SMCO4: variants seen among roughly 807,000 people sequenced by gnomAD.
SMCO4 encodes single-pass membrane protein with coiled-coil domains 4.
Under a neutral mutation model 3.6 loss-of-function variants are expected in SMCO4, and 4 were observed. That is an observed-to-expected ratio of 1.11 (90% CI 0.54 to 2.53). SMCO4 has a LOEUF of 2.53. SMCO4 is among the 30% of genes most tolerant of loss of function. The probability of loss-of-function intolerance (pLI) is 0.02; values close to 1 mark genes in which losing one functional copy is unlikely to be tolerated. For synonymous variants in SMCO4, 36 were observed against 35.3 expected (o/e 1.02, Z -0.07); for missense variants, 70 against 80.8 (o/e 0.87, Z 0.51).
intron 2 of SMCO4, among the ~76,000 whole-genome samples, chr11:93,484,688 CT>C (rs10707335): frequency 0.23 from 32,963 of 143,556 alleles, 3,609 homozygotes; most frequent in East Asian, 0.37. Flanking sequence ...CCAGGGAATT[CT>C]TTTTTTTTTT....
At chr11:93,502,047 T>C (rs903400663) in intron 1 of SMCO4, among the ~76,000 whole-genome samples, 2 of 151,432 alleles carry the variant, frequency 1.3e-5, no homozygotes, top group Non-Finnish European at 2.9e-5. Context: ...AAAGTACAGA[T>C]GCAAACTGTT....
chr11:93,528,638 G>C (rs558782185), intron 1 of SMCO4, among the ~76,000 whole-genome samples: 1 of 56,188 alleles, frequency 1.8e-5, no homozygotes, highest in Non-Finnish European at 3.7e-5. Context: ...CTGTGACCAG[G>C]GAGACAGTGC....
At position 93,509,585 on chromosome 11, in the gene SMCO4, C is replaced by T. The variant is rs61918468; in HGVS notation, c.-153-10237G>A. ...ACCAGCCCAAATGCCCATCAATCAACGAGTGGATAAAGAAACTGTGCTATA... is the reference window on the plus strand; with the variant it reads ...ACCAGCCCAAATGCCCATCAATCAATGAGTGGATAAAGAAACTGTGCTATA... On this transcript the variant is annotated intron_variant, in intron 1 of 2. Coordinates refer to ENST00000298966, the MANE Select transcript of SMCO4 (RefSeq NM_020179.3). Among the ~76,000 whole-genome samples the T allele has an allele frequency of 5.0e-3, 764 of 152,272 alleles. 4 individuals carry two copies. Among genetic ancestry groups the T allele is most frequent in the Middle Eastern group, 0.037 (11 of 294 alleles).
intron 1 of SMCO4, among the ~76,000 whole-genome samples, chr11:93,529,018 G>C (rs901471659): frequency 6.6e-6 from 1 of 152,124 alleles, no homozygotes; most frequent in African/African-American, 2.4e-5. Context: ...AGGGGAACAC[G>C]TGGAGCCCTG....
chr11:93,531,829 C>T (rs543494840), intron 1 of SMCO4, among the ~76,000 whole-genome samples: 6 of 152,262 alleles, frequency 3.9e-5, no homozygotes, highest in Non-Finnish European at 8.8e-5. Context: ...TTTTCAAAGT[C>T]GCCCCTCTGC....
upstream of SMCO4, among the ~76,000 whole-genome samples, chr11:93,547,391 T>C (rs1365620580): frequency 6.6e-6 from 1 of 152,238 alleles, no homozygotes; most frequent in Non-Finnish European, 1.5e-5. Context: ...AACCAGTGAA[T>C]GTCCACTACA....
intron 2 of SMCO4, among the ~76,000 whole-genome samples, 184 bp from the exon 3 acceptor site, chr11:93,479,453 A>G (rs999474214): frequency 3.3e-5 from 5 of 152,218 alleles, no homozygotes; most frequent in African/African-American, 1.2e-4. Flanking sequence ...GCACTGGGTC[A>G]CCGGTGTGCT....
intron 1 of SMCO4, among the ~76,000 whole-genome samples, chr11:93,514,119 T>C (rs183513865): frequency 1.3e-4 from 20 of 152,018 alleles, no homozygotes; most frequent in Admixed American, 3.3e-4. Context: ...TTCCACATGA[T>C]GGAACTCCTG....
chr11:93,546,413 A>G (rs1047190767), upstream of SMCO4, among the ~76,000 whole-genome samples: 14 of 152,320 alleles, frequency 9.2e-5, no homozygotes, highest in African/African-American at 3.4e-4. Context: ...TGGAACATCA[A>G]CAGCAGGTAT....
chr11:93,517,304 T>C (rs1413489562), intron 1 of SMCO4, among the ~76,000 whole-genome samples: 1 of 152,170 alleles, frequency 6.6e-6, no homozygotes, highest in African/African-American at 2.4e-5. Flanking sequence ...GCCTTACGAC[T>C]GCCGTAATCC....
chr11:93,501,382 G>C (rs1591311830), intron 1 of SMCO4, among the ~76,000 whole-genome samples: 1 of 152,316 alleles, frequency 6.6e-6, no homozygotes, highest in East Asian at 1.9e-4. Context: ...TAATTCTGAA[G>C]GTCAGAAGTC....
chr11:93,493,708 G>A (rs1230726031), intron 2 of SMCO4, among the ~76,000 whole-genome samples: 3 of 152,174 alleles, frequency 2.0e-5, no homozygotes, highest in African/African-American at 7.2e-5. Flanking sequence ...ACATCTCTGT[G>A]CTGAGCCCAA....
intron 2 of SMCO4, among the ~76,000 whole-genome samples, chr11:93,489,191 G>A (rs1160643806): frequency 6.6e-6 from 1 of 152,162 alleles, no homozygotes; most frequent in Non-Finnish European, 1.5e-5. Context: ...GCAACCTCAG[G>A]CAGGTTACTT....
At position 93,540,745 on chromosome 11, in the gene SMCO4, C is replaced by A. The variant is rs563446468; in HGVS notation, c.-154+2531G>T. Among the ~76,000 whole-genome samples, 11 of 152,038 alleles carry A rather than the reference C, an allele frequency of 7.2e-5. No individual in the cohort carries two copies. The East Asian group carries it at 1.3e-3, about 19-fold the overall frequency. ...TCAATGGCAGGGGCTCAAATGGTGA[C>A]GATTATGATTTTTATCAATACTTCT... On this transcript the variant is annotated intron_variant, in intron 1 of 2. Coordinates refer to ENST00000298966, the MANE Select transcript of SMCO4 (RefSeq NM_020179.3).
At chr11:93,487,223 C>A (rs1378114504) in intron 2 of SMCO4, among the ~76,000 whole-genome samples, 1 of 152,112 alleles carries the variant, frequency 6.6e-6, no homozygotes, top group South Asian at 2.1e-4. Flanking sequence ...CTCCAGTCTG[C>A]GGCAGAGTGG....
chr11:93,546,139 C>CA (rs1362940856), upstream of SMCO4, among the ~76,000 whole-genome samples: 1 of 152,264 alleles, frequency 6.6e-6, no homozygotes, highest in Non-Finnish European at 1.5e-5. Flanking sequence ...CACTCACAGG[C>CA]ACTCCTGCAG....
intron 1 of SMCO4, chr11:93,535,566 T>G (rs1003197223): frequency 6.7e-7 from 1 of 1,494,304 alleles, no homozygotes; most frequent in Non-Finnish European, 9.3e-7. Context: ...TGAAGAAGTA[T>G]GACAGTCGAA....
At chr11:93,507,045 C>T (rs1412648440) in intron 1 of SMCO4, among the ~76,000 whole-genome samples, 1 of 152,112 alleles carries the variant, frequency 6.6e-6, no homozygotes, top group Non-Finnish European at 1.5e-5. Flanking sequence ...TACAGTGAGC[C>T]TGTTATTTCA....
At chr11:93,535,620 T>G (rs555653492) in intron 1 of SMCO4, 7 of 1,576,978 alleles carry the variant, frequency 4.4e-6, no homozygotes, top group East Asian at 2.2e-5. Flanking sequence ...GCTTTGAGCC[T>G]GCAGACAACA....
Sources: gnomAD v4.1 joint callset for allele counts (sites outside exome capture counted in the v4.1 genomes callset) on GRCh38, gnomAD v4.1.1 for gene constraint, MANE v1.5 for transcripts, NCBI Gene and HGNC (gene_info 2026-07-23, HGNC 2026-07-21) for gene names.